The following GREB1L variants were observed in gnomAD, a reference collection of about 807,000 sequenced individuals.
GREB1L encodes GREB1 like retinoic acid receptor coactivator.
GREB1L carries 17 observed loss-of-function variants against 200.8 expected under a neutral mutation model. The observed-to-expected ratio is 0.08, with a 90% CI of 0.06 to 0.13. GREB1L has a LOEUF of 0.13. GREB1L is among the 10% of genes least tolerant of loss of function. The pLI is 1.00. For missense variants in GREB1L, 1,657 were observed against 2,367.7 expected, an observed-to-expected ratio of 0.70 and a Z score of 6.23; for synonymous variants, 789 against 893.0, an observed-to-expected ratio of 0.88 and a Z score of 2.08.
chr18:21,324,812 A>AAAAC (rs775959145), intron 1 of GREB1L, among the ~76,000 whole-genome samples: 4 of 152,228 alleles, frequency 2.6e-5, no homozygotes, highest in South Asian at 2.1e-4. Context: ...TCTGTCTCAA[A>AAAAC]AAACAAACAA....
intron 15 of GREB1L, among the ~76,000 whole-genome samples, chr18:21,468,128 A>G (rs2145635138): frequency 6.6e-6 from 1 of 152,324 alleles, no homozygotes; most frequent in East Asian, 1.9e-4. Context: ...GCAAAAAAGC[A>G]GAAAAACCCA....
chr18:21,458,183 C>A (rs2034865193), intron 15 of GREB1L, among the ~76,000 whole-genome samples: 1 of 152,002 alleles, frequency 6.6e-6, no homozygotes, highest in South Asian at 2.1e-4. Context: ...GTCGGTCAGG[C>A]TGGTCTCGAA....
rs760981370 is a variant in GREB1L at position 21,404,009 on chromosome 18, C to A, written c.832+15C>A. On this transcript the variant is annotated intron_variant, in intron 7 of 32. Coordinates refer to ENST00000424526, the MANE Select transcript of GREB1L (RefSeq NM_001142966.3). ...CACTCAGACAGGTATGGGATATTTT[C>A]TTTTGGCATTTCAAGCATCACATGT... 3.9e-6 allele frequency: 6 copies of A among 1,548,524 alleles called. No individual in the cohort carries two copies. In the South Asian group the frequency reaches 4.8e-5, roughly 12 times the overall value.
intron 1 of GREB1L, among the ~76,000 whole-genome samples, chr18:21,248,593 A>G (rs1289668545): frequency 6.6e-6 from 1 of 152,240 alleles, no homozygotes; most frequent in Non-Finnish European, 1.5e-5. Context: ...GATAAAATCT[A>G]ATGTTGGCAA....
intron 14 of GREB1L, 63 bp from the exon 15 acceptor site, chr18:21,454,303 A>T: frequency 3.8e-5 from 37 of 972,246 alleles, no homozygotes; most frequent in Non-Finnish European, 5.7e-5. Flanking sequence ...CCTCATAGAG[A>T]TTCACAGTGG....
At chr18:21,437,877 A>G (rs1016912824) in intron 7 of GREB1L, among the ~76,000 whole-genome samples, 3 of 152,226 alleles carry the variant, frequency 2.0e-5, no homozygotes, top group African/African-American at 7.2e-5. Flanking sequence ...AGTTGGGGAA[A>G]TTTTTGAATA....
intron 15 of GREB1L, among the ~76,000 whole-genome samples, chr18:21,467,554 C>T (rs891199450): frequency 5.9e-5 from 9 of 152,088 alleles, no homozygotes; most frequent in African/African-American, 2.2e-4. Context: ...TGCTACACAC[C>T]CCACTAGTAT....
intron 1 of GREB1L, among the ~76,000 whole-genome samples, chr18:21,328,067 C>T (rs2039050719): frequency 1.3e-5 from 2 of 152,290 alleles, no homozygotes; most frequent in Non-Finnish European, 2.9e-5. Flanking sequence ...TCAGGACCCA[C>T]ATAAAGCTAC....
At chr18:21,461,516 C>T (rs558880310) in intron 15 of GREB1L, among the ~76,000 whole-genome samples, 1 of 152,272 alleles carries the variant, frequency 6.6e-6, no homozygotes, top group Non-Finnish European at 1.5e-5. Context: ...CACCCTTGCC[C>T]GTATCACCAG....
At chr18:21,377,420 A>G (rs977428607) in intron 2 of GREB1L, among the ~76,000 whole-genome samples, 3 of 152,258 alleles carry the variant, frequency 2.0e-5, no homozygotes, top group South Asian at 2.1e-4. Flanking sequence ...TTTTTGTGAA[A>G]GGTTTCTTAG....
chr18:21,452,084 C>A lies in GREB1L; in HGVS notation c.1851C>A (p.Gly617=), dbSNP rs531735777. 7 of 1,546,176 alleles carry A rather than the reference C, an allele frequency of 4.5e-6. No individual in the cohort carries two copies. The highest frequency in any genetic ancestry group is 2.0e-5 in the Admixed American group (1 of 50,542). ...LASHFKTTSL[G]DDLDKLLEKM... ...CTTCTTATCTCTATTTTGTAATAGG[C>A]GATGACCTAGACAAGCTGCTGGAAA... Residue 617 remains glycine (G), a splice_region_variant and synonymous_variant, in exon 14 of 33, where the codon GGC becomes GGA. Transcript: ENST00000424526.
At chr18:21,383,288 G>C (rs2040398962) in intron 2 of GREB1L, among the ~76,000 whole-genome samples, 1 of 152,120 alleles carries the variant, frequency 6.6e-6, no homozygotes, top group Non-Finnish European at 1.5e-5. Flanking sequence ...ATCCCTCAAA[G>C]GGGCTTTTTG....
intron 6 of GREB1L, 147 bp downstream of exon 6, chr18:21,401,473 G>A (rs1383208820): frequency 9.5e-6 from 6 of 634,658 alleles, no homozygotes; most frequent in Admixed American, 9.1e-5. Flanking sequence ...CTTCTGGTAG[G>A]TTATTTGACT....
intron 5 of GREB1L, 46 bp from the exon 6 acceptor site, chr18:21,401,104 T>C (rs778784638): frequency 2.6e-5 from 37 of 1,441,708 alleles, no homozygotes; most frequent in Non-Finnish European, 3.3e-5. Context: ...AAAAGTATTG[T>C]ATCAACTTAC....
chr18:21,482,151 A>C (rs1024335422), intron 17 of GREB1L, among the ~76,000 whole-genome samples: 1 of 152,228 alleles, frequency 6.6e-6, no homozygotes, highest in African/African-American at 2.4e-5. Context: ...AATGGATGGG[A>C]GACATGGTAC....
chr18:21,424,842 C>T (rs2032435782), intron 7 of GREB1L, among the ~76,000 whole-genome samples: 1 of 152,176 alleles, frequency 6.6e-6, no homozygotes, highest in Non-Finnish European at 1.5e-5. Flanking sequence ...CAGCCCCTGG[C>T]AACCACAAAT....
intron 15 of GREB1L, among the ~76,000 whole-genome samples, chr18:21,455,676 C>CAA (rs537490805): frequency 8.8e-6 from 1 of 113,096 alleles, no homozygotes. Flanking sequence ...GACCCTCTCC[C>CAA]AAAAAAAAAA....
chr18:21,514,296 C>A (rs2037341243), intron 28 of GREB1L, among the ~76,000 whole-genome samples: 1 of 152,132 alleles, frequency 6.6e-6, no homozygotes, highest in Non-Finnish European at 1.5e-5. Context: ...GCGGGCTGAT[C>A]ATTTAAGGCC....
chr18:21,406,875 CTTTTT>C (rs369137235), intron 7 of GREB1L, among the ~76,000 whole-genome samples: 1 of 131,950 alleles, frequency 7.6e-6, no homozygotes, highest in Non-Finnish European at 1.6e-5. Context: ...CATTTTCTTC[CTTTTT>C]TTTTTTTTTT....
Sources: gnomAD v4.1 joint callset for allele counts (sites outside exome capture counted in the v4.1 genomes callset) on GRCh38, gnomAD v4.1.1 for gene constraint, MANE v1.5 for transcripts, NCBI Gene and HGNC (gene_info 2026-07-23, HGNC 2026-07-21) for gene names.